CNTN5: variants seen among roughly 807,000 people sequenced by gnomAD.
CNTN5 encodes the protein contactin 5.
A neutral mutation model predicts 129.1 loss-of-function variants in CNTN5; 77 were observed. That is an observed-to-expected ratio of 0.60 (90% CI 0.50 to 0.72). CNTN5 has a LOEUF of 0.72. CNTN5 is among the 30% of genes least tolerant of loss of function. CNTN5 has a pLI of 0.00. For missense variants in CNTN5, 1,478 were observed against 1,328.8 expected, an observed-to-expected ratio of 1.11 and a Z score of -1.75; for synonymous variants, 509 against 465.6, an observed-to-expected ratio of 1.09 and a Z score of -1.20.
intron 6 of CNTN5, among the ~76,000 whole-genome samples, chr11:99,899,935 T>G (rs552719606): frequency 6.6e-6 from 1 of 152,034 alleles, no homozygotes; most frequent in African/African-American, 2.4e-5. Context: ...TATTCAGGGT[T>G]TCTATTTCTT....
chr11:99,187,584 T>A (rs1013121249), intron 1 of CNTN5, among the ~76,000 whole-genome samples: 1 of 151,888 alleles, frequency 6.6e-6, no homozygotes, highest in Non-Finnish European at 1.5e-5. Context: ...ATGATGAATA[T>A]CTTGAGTTTT....
chr11:99,955,161 CTAAAA>C (rs1258483281), intron 7 of CNTN5, among the ~76,000 whole-genome samples: 1 of 150,454 alleles, frequency 6.6e-6, no homozygotes, highest in Non-Finnish European at 1.5e-5. Context: ...AGTAAATTAT[CTAAAA>C]TAAATATATA....
In CNTN5 at chr11:99,176,439, A is replaced by G. The variant is rs563067380; in HGVS notation, c.-209-148907A>G. ...CTGCATAACCTCACTACTTGAATGTATAATAGACATCTCAAAATGGATACT... is the reference window on the plus strand; with the variant it reads ...CTGCATAACCTCACTACTTGAATGTGTAATAGACATCTCAAAATGGATACT... On this transcript the variant is annotated intron_variant, in intron 1 of 24. Transcript: ENST00000524871. Among the ~76,000 whole-genome samples, 5 of 152,300 alleles carry G rather than the reference A, an allele frequency of 3.3e-5. No homozygotes were observed. In the South Asian group the frequency reaches 8.3e-4, roughly 25 times the overall value.
intron 2 of CNTN5, among the ~76,000 whole-genome samples, chr11:99,379,465 A>C (rs1940391357): frequency 1.3e-5 from 2 of 152,258 alleles, no homozygotes; most frequent in Non-Finnish European, 2.9e-5. Flanking sequence ...TTTTACCTCA[A>C]GTGCCATTTG....
chr11:99,203,761 C>A (rs1209239687), intron 1 of CNTN5, among the ~76,000 whole-genome samples: 2 of 152,036 alleles, frequency 1.3e-5, no homozygotes, highest in East Asian at 3.9e-4. Context: ...GCACGTCCGG[C>A]TAATTTTTTG....
chr11:99,927,109 G>C (rs1161336206), intron 7 of CNTN5, among the ~76,000 whole-genome samples: 2 of 152,086 alleles, frequency 1.3e-5, no homozygotes, highest in Non-Finnish European at 2.9e-5. Context: ...TATATTATTT[G>C]GACACAGAGA....
intron 1 of CNTN5, among the ~76,000 whole-genome samples, chr11:99,084,079 C>T (rs955304311): frequency 6.6e-6 from 1 of 152,128 alleles, no homozygotes; most frequent in South Asian, 2.1e-4. Context: ...TGAAGTATTG[C>T]CTTTATCTTC....
At chr11:99,220,913 G>A (rs1860367271) in intron 1 of CNTN5, among the ~76,000 whole-genome samples, 2 of 151,712 alleles carry the variant, frequency 1.3e-5, no homozygotes, top group Non-Finnish European at 3.0e-5. Flanking sequence ...TCTACTAAGT[G>A]GGTTGTCCAA....
chr11:99,620,050 C>T (rs1950890715), intron 3 of CNTN5, among the ~76,000 whole-genome samples: 1 of 108,064 alleles, frequency 9.3e-6, no homozygotes, highest in African/African-American at 3.1e-5. Flanking sequence ...AAAAACAAAG[C>T]TTAGATCAGT....
At chr11:100,074,349 G>A in intron 13 of CNTN5, 55 bp downstream of exon 13, 1 of 1,397,232 alleles carries the variant, frequency 7.2e-7, no homozygotes, top group Middle Eastern at 1.8e-4. Flanking sequence ...GAGGTTACAG[G>A]TGACACACAC....
At chr11:99,108,041 G>A (rs558647390) in intron 1 of CNTN5, among the ~76,000 whole-genome samples, 6 of 151,634 alleles carry the variant, frequency 4.0e-5, no homozygotes, top group African/African-American at 1.5e-4. Flanking sequence ...ATCGTTTGAT[G>A]TGTGTATTCC....
chr11:100,037,417 G>A (rs949083770), intron 9 of CNTN5, among the ~76,000 whole-genome samples: 1 of 151,932 alleles, frequency 6.6e-6, no homozygotes, highest in Non-Finnish European at 1.5e-5. Flanking sequence ...AAGGATATTG[G>A]TCTAAAATTC....
At chr11:99,822,688 T>G (rs1272769317) in intron 4 of CNTN5, among the ~76,000 whole-genome samples, 1 of 152,172 alleles carries the variant, frequency 6.6e-6, no homozygotes, top group East Asian at 1.9e-4. Context: ...CTTTATTTCT[T>G]GAAAGAAAAA....
intron 2 of CNTN5, among the ~76,000 whole-genome samples, chr11:99,524,629 T>G (rs990333613): frequency 6.6e-6 from 1 of 152,020 alleles, no homozygotes; most frequent in African/African-American, 2.4e-5. Context: ...CTGTCCTACA[T>G]GGTGAAAACC....
chr11:100,267,253 CCA>C (rs113458728), intron 17 of CNTN5, among the ~76,000 whole-genome samples: 113 of 143,822 alleles, frequency 7.9e-4, no homozygotes, highest in African/African-American at 1.8e-3. Flanking sequence ...CATGAATCAA[CCA>C]CACACACACA....
chr11:99,654,855 A>G (rs1433958888), intron 3 of CNTN5, among the ~76,000 whole-genome samples: 1 of 151,718 alleles, frequency 6.6e-6, no homozygotes, highest in Non-Finnish European at 1.5e-5. Flanking sequence ...TGCCTGATGT[A>G]CACAGCAAGT....
chr11:99,251,702 T>C (rs890320276), intron 1 of CNTN5, among the ~76,000 whole-genome samples: 1 of 151,950 alleles, frequency 6.6e-6, no homozygotes, highest in African/African-American at 2.4e-5. Context: ...CGTACAAATA[T>C]GTAGCCTAAT....
At chr11:99,302,708 G>T (rs1031811526) in intron 1 of CNTN5, among the ~76,000 whole-genome samples, 1 of 151,680 alleles carries the variant, frequency 6.6e-6, no homozygotes, top group African/African-American at 2.4e-5. Flanking sequence ...CATTGAAAAT[G>T]AGGGAACTGC....
chr11:99,068,716 G>A (rs975376710), intron 1 of CNTN5, among the ~76,000 whole-genome samples: 16 of 152,232 alleles, frequency 1.1e-4, no homozygotes, highest in African/African-American at 3.1e-4. Context: ...GTAGTAAATC[G>A]TTAAGTATGT....
Sources: gnomAD v4.1 joint callset for allele counts (sites outside exome capture counted in the v4.1 genomes callset) on GRCh38, gnomAD v4.1.1 for gene constraint, MANE v1.5 for transcripts, NCBI Gene and HGNC (gene_info 2026-07-23, HGNC 2026-07-21) for gene names.